SAMMSON: variants seen among roughly 807,000 people sequenced by gnomAD.
The protein encoded by SAMMSON is long intergenic non-protein coding RNA 1212.
At chr3:70,076,101 A>G (rs2067247665) in intron 4 of SAMMSON, among the ~76,000 whole-genome samples, 1 of 152,094 alleles carries the variant, frequency 6.6e-6, no homozygotes, top group Non-Finnish European at 1.5e-5. Flanking sequence ...AACTTAATTA[A>G]GTTCCCAGGG....
chr3:70,025,256 T>G (rs973962356), intron 3 of SAMMSON: 2 of 152,196 alleles, frequency 1.3e-5, no homozygotes, highest in Non-Finnish European at 1.5e-5. Flanking sequence ...ATTTATTTAT[T>G]TTTTTGAGAT....
intron 4 of SAMMSON, among the ~76,000 whole-genome samples, chr3:70,115,867 G>T (rs2067408776): frequency 6.6e-6 from 1 of 152,130 alleles, no homozygotes; most frequent in Admixed American, 6.5e-5. Flanking sequence ...CCCTCAGGGT[G>T]CTAAGTTGCC....
At chr3:70,367,343 G>A (rs1320464343) in intron 9 of SAMMSON, among the ~76,000 whole-genome samples, 1 of 151,084 alleles carries the variant, frequency 6.6e-6, no homozygotes, top group Admixed American at 6.6e-5. Flanking sequence ...CTAGCCTCTG[G>A]TAACTATCAT....
chr3:70,319,726 T>G (rs1702522976), intron 7 of SAMMSON, among the ~76,000 whole-genome samples: 1 of 152,082 alleles, frequency 6.6e-6, no homozygotes, highest in Non-Finnish European at 1.5e-5. Context: ...ACAAATTTGC[T>G]TAAAAGTATT....
At chr3:70,320,158 A>G (rs151265572) in intron 7 of SAMMSON, among the ~76,000 whole-genome samples, 2 of 152,184 alleles carry the variant, frequency 1.3e-5, no homozygotes, top group Non-Finnish European at 2.9e-5. Context: ...GATGATTATT[A>G]GAGATGCCAT....
intron 4 of SAMMSON, among the ~76,000 whole-genome samples, chr3:70,159,008 G>GT (rs1377928904): frequency 4.0e-5 from 6 of 151,596 alleles, no homozygotes; most frequent in Non-Finnish European, 7.4e-5. Flanking sequence ...TATATTTTCT[G>GT]TTTTTTTCCT....
intron 4 of SAMMSON, among the ~76,000 whole-genome samples, chr3:70,087,211 T>G (rs1042016443): frequency 6.6e-6 from 1 of 152,214 alleles, no homozygotes; most frequent in Non-Finnish European, 1.5e-5. Flanking sequence ...TTTCCTTATT[T>G]GACCCTGACT....
intron 2 of SAMMSON, among the ~76,000 whole-genome samples, chr3:70,411,463 C>A (rs1055361715): frequency 6.6e-6 from 1 of 152,146 alleles, no homozygotes; most frequent in East Asian, 1.9e-4. Context: ...GAATCAACAA[C>A]TATTTTTTCA....
chr3:70,194,920 A>T (rs543939960), intron 4 of SAMMSON, among the ~76,000 whole-genome samples: 1 of 152,250 alleles, frequency 6.6e-6, no homozygotes, highest in African/African-American at 2.4e-5. Flanking sequence ...GCCAAGAGGG[A>T]TGGGACATAA....
At chr3:70,195,297 T>G (rs1701165239) in intron 4 of SAMMSON, among the ~76,000 whole-genome samples, 1 of 152,160 alleles carries the variant, frequency 6.6e-6, no homozygotes. Context: ...CAGAAAGACT[T>G]TTTCATGGAA....
chr3:70,308,171 C>G (rs1702420552), intron 7 of SAMMSON, among the ~76,000 whole-genome samples: 1 of 152,162 alleles, frequency 6.6e-6, no homozygotes, highest in African/African-American at 2.4e-5. Flanking sequence ...TGGCCTCAGT[C>G]TGTCTAGTAG....
At chr3:70,145,113 A>T (rs547664233) in intron 4 of SAMMSON, among the ~76,000 whole-genome samples, 1 of 152,234 alleles carries the variant, frequency 6.6e-6, no homozygotes, top group African/African-American at 2.4e-5. Context: ...GCAGCCATAG[A>T]AAATCTCAGG....
intron 4 of SAMMSON, among the ~76,000 whole-genome samples, chr3:70,130,350 A>G (rs190119567): frequency 6.6e-6 from 1 of 152,324 alleles, no homozygotes. Context: ...GGGTTTCAAG[A>G]GAGGAATGGT....
chr3:70,293,476 T>A (rs1199590111), intron 7 of SAMMSON, among the ~76,000 whole-genome samples: 1 of 152,048 alleles, frequency 6.6e-6, no homozygotes, highest in African/African-American at 2.4e-5. Flanking sequence ...AGTGACAAAA[T>A]CACAGGCGAT....
chr3:70,162,696 A>G (rs1454035424), intron 4 of SAMMSON, among the ~76,000 whole-genome samples: 3 of 151,836 alleles, frequency 2.0e-5, no homozygotes, highest in African/African-American at 7.2e-5. Flanking sequence ...TGCTGATTTT[A>G]TGTCTAATTG....
chr3:70,193,459 A>G (rs1394565669), intron 4 of SAMMSON, among the ~76,000 whole-genome samples: 1 of 152,042 alleles, frequency 6.6e-6, no homozygotes, highest in Non-Finnish European at 1.5e-5. Context: ...ATGCCAGCAA[A>G]TTTTTAAATT....
At chr3:70,190,680 G>A (rs560787595) in intron 4 of SAMMSON, among the ~76,000 whole-genome samples, 113 of 152,246 alleles carry the variant, frequency 7.4e-4, no homozygotes, top group African/African-American at 2.5e-3. Flanking sequence ...TTATAAATGC[G>A]TAACAAGGAA....
chr3:70,200,424 C>T (rs566040565), intron 4 of SAMMSON, among the ~76,000 whole-genome samples: 1 of 152,300 alleles, frequency 6.6e-6, no homozygotes, highest in African/African-American at 2.4e-5. Context: ...TCCAGCCACA[C>T]TGACTAAATT....
At chr3:70,246,321 G>A (rs1441074749) in intron 4 of SAMMSON, among the ~76,000 whole-genome samples, 1 of 152,040 alleles carries the variant, frequency 6.6e-6, no homozygotes, top group African/African-American at 2.4e-5. Flanking sequence ...CAGTTTGAAC[G>A]TAAGCTGGAA....
Sources: allele counts gnomAD v4.1 joint callset (sites outside exome capture counted in the v4.1 genomes callset), GRCh38; gene constraint gnomAD v4.1.1; transcripts MANE v1.5; gene names NCBI Gene and HGNC (gene_info 2026-07-23, HGNC 2026-07-21).